Variants in N4BP2 observed in about 807,000 individuals in gnomAD.
N4BP2 encodes the protein NEDD4 binding protein 2.
N4BP2 carries 91 observed loss-of-function variants against 152.8 expected under a neutral mutation model. That is an observed-to-expected ratio of 0.60 (90% confidence interval 0.50 to 0.71). N4BP2 has a LOEUF of 0.71. Among genes scored for constraint, N4BP2 ranks in the 30% least tolerant of loss-of-function variants. N4BP2 has a pLI of 0.00. For missense variants in N4BP2, 1,923 were observed against 2,059.1 expected (o/e 0.93, Z 1.28); for synonymous variants, 646 against 705.3 (o/e 0.92, Z 1.33).
intron 13 of N4BP2, among the ~76,000 whole-genome samples, chr4:40,133,737 A>G (rs932624558): frequency 6.6e-6 from 1 of 152,238 alleles, no homozygotes; most frequent in Non-Finnish European, 1.5e-5. Context: ...CAAAATTTGG[A>G]AAGATCTGAA....
rs184089006 is a variant in N4BP2 at position 40,081,955 on chromosome 4, A to G, written c.-115+8404A>G. Among the ~76,000 whole-genome samples the G allele has an allele frequency of 3.0e-4, 45 of 151,268 alleles. No individual in the cohort carries two copies. In the East Asian group the frequency reaches 8.3e-3, roughly 28 times the overall value. On this transcript the variant is annotated intron_variant, in intron 2 of 17. Transcript: ENST00000261435. ...TGGAGAAACCCCATCTCTACTAAAA[A>G]TACAAAATTAGCCGGGTGTGGTGGC...
At chr4:40,061,272 C>T (rs547540176) in intron 1 of N4BP2, among the ~76,000 whole-genome samples, 36 of 150,854 alleles carry the variant, frequency 2.4e-4, no homozygotes, top group African/African-American at 6.8e-4. Context: ...CAGGTTCAAG[C>T]GATTCTCCTG....
intron 5 of N4BP2, among the ~76,000 whole-genome samples, chr4:40,110,559 A>T (rs1716773870): frequency 6.6e-6 from 1 of 152,060 alleles, no homozygotes; most frequent in African/African-American, 2.4e-5. Flanking sequence ...AGAAATGTCT[A>T]TTCATATTTG....
intron 2 of N4BP2, among the ~76,000 whole-genome samples, chr4:40,096,257 CAAGTAGGA>C (rs916188982): frequency 2.0e-5 from 3 of 152,010 alleles, no homozygotes; most frequent in Non-Finnish European, 2.9e-5. Flanking sequence ...GGAGAAAATT[CAAGTAGGA>C]AAGTGGGATA....
At chr4:40,190,052 C>T in the N4BP2 span, among the ~76,000 whole-genome samples, 1 of 152,200 alleles carries the variant, frequency 6.6e-6, no homozygotes, top group African/African-American at 2.4e-5. Flanking sequence ...TTTAAATATG[C>T]ACCCTCCAAG....
intron 12 of N4BP2, among the ~76,000 whole-genome samples, chr4:40,129,105 G>T (rs1043154137): frequency 6.6e-6 from 1 of 151,716 alleles, no homozygotes. Context: ...GCTGGAGTGC[G>T]GTGGCACCAT....
chr4:40,119,181 A>T (rs1254584236), intron 8 of N4BP2, among the ~76,000 whole-genome samples: 1 of 152,206 alleles, frequency 6.6e-6, no homozygotes, highest in East Asian at 1.9e-4. Context: ...TCTTATAAGG[A>T]TTATGAATTA....
chr4:40,064,370 G>T (rs1028588364), intron 1 of N4BP2, among the ~76,000 whole-genome samples: 3 of 152,024 alleles, frequency 2.0e-5, no homozygotes, highest in African/African-American at 7.2e-5. Context: ...TGCCTCTTGG[G>T]TTCAAGTGAT....
intron 2 of N4BP2, among the ~76,000 whole-genome samples, chr4:40,089,663 TTGAGCTCAAG>T (rs1328989132): frequency 6.6e-6 from 1 of 151,898 alleles, no homozygotes; most frequent in African/African-American, 2.4e-5. Flanking sequence ...TCTTGAACTC[TTGAGCTCAAG>T]TGATCTGCAT....
intron 2 of N4BP2, among the ~76,000 whole-genome samples, chr4:40,079,336 T>C (rs1235255855): frequency 4.6e-5 from 7 of 152,078 alleles, no homozygotes; most frequent in Admixed American, 4.6e-4. Flanking sequence ...AGGATGGTCT[T>C]GAATTCCTGA....
At chr4:40,118,175 T>C (rs1717529139) in intron 8 of N4BP2, 151 bp downstream of exon 8, 2 of 559,940 alleles carry the variant, frequency 3.6e-6, no homozygotes, top group Non-Finnish European at 5.6e-6. Flanking sequence ...TCCCAGCAGT[T>C]TGGGAGGCCG....
intron 2 of N4BP2, among the ~76,000 whole-genome samples, chr4:40,085,307 A>T (rs1446130966): frequency 2.0e-5 from 3 of 152,158 alleles, no homozygotes; most frequent in African/African-American, 7.2e-5. Flanking sequence ...AAGTGCTGGG[A>T]TTACAGGCCT....
chr4:40,095,904 G>A (rs1715066575), intron 2 of N4BP2, among the ~76,000 whole-genome samples: 2 of 152,110 alleles, frequency 1.3e-5, no homozygotes, highest in African/African-American at 2.4e-5. Context: ...TTTTTACATC[G>A]TATAAAGCTC....
chr4:40,140,558 G>T (rs1033484569), intron 14 of N4BP2, among the ~76,000 whole-genome samples: 11 of 151,982 alleles, frequency 7.2e-5, no homozygotes, highest in African/African-American at 2.7e-4. Context: ...AGTTATTCTG[G>T]AAATTATTTT....
At chr4:40,109,230 GA>G (rs1157313155) in intron 5 of N4BP2, among the ~76,000 whole-genome samples, 1 of 152,114 alleles carries the variant, frequency 6.6e-6, no homozygotes, top group Non-Finnish European at 1.5e-5. Context: ...TCAGGAATCT[GA>G]AAATGCCAAC....
chr4:40,150,611 CA>C (rs1249762463), intron 16 of N4BP2, among the ~76,000 whole-genome samples: 1 of 150,796 alleles, frequency 6.6e-6, no homozygotes, highest in African/African-American at 2.4e-5. Context: ...TCAGAGGCTG[CA>C]GTGAACCGAG....
the N4BP2 span, among the ~76,000 whole-genome samples, chr4:40,171,815 C>T: frequency 6.6e-6 from 1 of 152,138 alleles, no homozygotes; most frequent in Non-Finnish European, 1.5e-5. Flanking sequence ...AGTCAAAGTT[C>T]CAAGAGTCCC....
At chr4:40,177,839 G>C in the N4BP2 span, among the ~76,000 whole-genome samples, 1 of 152,130 alleles carries the variant, frequency 6.6e-6, no homozygotes, top group Non-Finnish European at 1.5e-5. Flanking sequence ...CTCTTTAGGG[G>C]ACAGCAACTT....
At chr4:40,088,961 G>GT (rs763701290) in intron 2 of N4BP2, among the ~76,000 whole-genome samples, 9 of 151,524 alleles carry the variant, frequency 5.9e-5, no homozygotes, top group Non-Finnish European at 8.8e-5. Flanking sequence ...TTTTGTGTGT[G>GT]TTTTTTTGAA....
Sources: gnomAD v4.1 joint callset for allele counts (sites outside exome capture counted in the v4.1 genomes callset) on GRCh38, gnomAD v4.1.1 for gene constraint, MANE v1.5 for transcripts, NCBI Gene and HGNC (gene_info 2026-07-23, HGNC 2026-07-21) for gene names.